The following INPP4B variants were observed in gnomAD, a reference collection of about 807,000 sequenced individuals.
INPP4B encodes the protein inositol polyphosphate 4-phosphatase type II.
In INPP4B, 55 loss-of-function variants were observed where a neutral mutation model predicts 122.5. The observed-to-expected ratio is 0.45, with a 90% CI of 0.36 to 0.56. INPP4B has a LOEUF of 0.56. Among genes scored for constraint, INPP4B ranks in the 20% least tolerant of loss-of-function variants. The probability of loss-of-function intolerance (pLI) is 0.00; values close to 1 mark genes in which losing one functional copy is unlikely to be tolerated. For missense variants in INPP4B, 1,000 were observed against 1,097.7 expected, an observed-to-expected ratio of 0.91 and a Z score of 1.26; for synonymous variants, 403 against 388.7, an observed-to-expected ratio of 1.04 and a Z score of -0.43.
rs529844695 is a variant in INPP4B at position 142,258,023 on chromosome 4, G to A, written c.688+2469C>T. 7.2e-5 allele frequency among the ~76,000 whole-genome samples: 11 copies of A among 152,140 alleles called. No individual in the cohort carries two copies. In the East Asian group the frequency reaches 1.9e-3, roughly 27 times the overall value. ...AACAGAGATATAGATCAATGGAACAGAACAGAGCCCTCAGAAATAACGCCG... is the reference window on the plus strand; with the variant it reads ...AACAGAGATATAGATCAATGGAACAAAACAGAGCCCTCAGAAATAACGCCG... On this transcript the variant is annotated intron_variant, in intron 11 of 25. Transcript: ENST00000262992.
intron 9 of INPP4B, among the ~76,000 whole-genome samples, chr4:142,300,870 A>G (rs1761123498): frequency 6.6e-6 from 1 of 152,196 alleles, no homozygotes; most frequent in Admixed American, 6.6e-5. Flanking sequence ...CCTTCGTATG[A>G]ATAAATACTT....
intron 3 of INPP4B, among the ~76,000 whole-genome samples, chr4:142,456,765 C>T (rs978151768): frequency 6.6e-6 from 1 of 151,920 alleles, no homozygotes; most frequent in African/African-American, 2.4e-5. Flanking sequence ...TCAACTTTGT[C>T]CAAACTGATC....
intron 2 of INPP4B, among the ~76,000 whole-genome samples, chr4:142,688,305 C>T (rs1759663146): frequency 6.6e-6 from 1 of 152,142 alleles, no homozygotes; most frequent in South Asian, 2.1e-4. Context: ...GGAGAGCAAA[C>T]TTTCAACAGA....
At chr4:142,457,110 A>G (rs976037667) in intron 3 of INPP4B, among the ~76,000 whole-genome samples, 1 of 152,040 alleles carries the variant, frequency 6.6e-6, no homozygotes, top group Non-Finnish European at 1.5e-5. Context: ...AGAACAAAAA[A>G]ACACATTTCA....
intron 1 of INPP4B, among the ~76,000 whole-genome samples, chr4:142,829,052 G>T (rs771257057): frequency 5.4e-4 from 81 of 149,092 alleles, no homozygotes; most frequent in Non-Finnish European, 9.5e-4. Flanking sequence ...TGAGACTTAA[G>T]ATATCAGAAC....
intron 2 of INPP4B, among the ~76,000 whole-genome samples, chr4:142,693,483 TAAAAAAAAAAAAAAAAA>T (rs554003993): frequency 1.3e-4 from 7 of 52,440 alleles, no homozygotes; most frequent in African/African-American, 5.4e-4. Flanking sequence ...TGCCTTTTTC[TAAAAAAAAAAAAAAAAA>T]AAAAAAAAAA....
At chr4:142,091,767 AT>A (rs1478841704) in intron 23 of INPP4B, among the ~76,000 whole-genome samples, 3 of 152,226 alleles carry the variant, frequency 2.0e-5, no homozygotes, top group African/African-American at 7.2e-5. Context: ...CAGGCAGGGT[AT>A]TAATAAGTAA....
intron 2 of INPP4B, among the ~76,000 whole-genome samples, chr4:142,725,383 T>C (rs1440421443): frequency 6.6e-6 from 1 of 152,098 alleles, no homozygotes; most frequent in East Asian, 1.9e-4. Context: ...TTTCTAGAAA[T>C]TCATATTGAA....
At chr4:142,399,354 G>A (rs577763947) in intron 7 of INPP4B, among the ~76,000 whole-genome samples, 20 of 151,950 alleles carry the variant, frequency 1.3e-4, no homozygotes, top group South Asian at 1.2e-3. Context: ...GTGCCACCAC[G>A]CCCAGCTAAT....
At chr4:142,659,673 C>T (rs896080689) in intron 2 of INPP4B, among the ~76,000 whole-genome samples, 3 of 152,020 alleles carry the variant, frequency 2.0e-5, no homozygotes, top group African/African-American at 4.8e-5. Flanking sequence ...ATAGGATGCC[C>T]ATCACTCGGA....
chr4:142,772,610 A>G (rs1357082976), intron 1 of INPP4B, among the ~76,000 whole-genome samples: 2 of 152,206 alleles, frequency 1.3e-5, no homozygotes, highest in Admixed American at 1.3e-4. Context: ...ATAAACGAAT[A>G]AACACAACAC....
intron 7 of INPP4B, among the ~76,000 whole-genome samples, chr4:142,389,488 A>G (rs1476914707): frequency 6.6e-6 from 1 of 152,206 alleles, no homozygotes; most frequent in African/African-American, 2.4e-5. Flanking sequence ...TAAGTTTTTA[A>G]GATTGTTAGT....
Position 142,024,787 on chromosome 4 carries a change from A to G in INPP4B, c.*3995T>C, listed in dbSNP as rs1736530262. 1 of 152,176 alleles carries G rather than the reference A, an allele frequency of 6.6e-6. No homozygotes were observed. The highest frequency in any genetic ancestry group is 1.5e-5 in the Non-Finnish European group (1 of 68,030). 9.4% of individuals were successfully genotyped at this position (152,176 alleles called of 1,614,324 possible). A position where few individuals can be genotyped will look rare whatever the true frequency, so the allele number is the denominator to read the frequency against. On this transcript the variant is annotated 3_prime_UTR_variant, in exon 26 of 26. Coordinates refer to ENST00000262992, the MANE Select transcript of INPP4B (RefSeq NM_001101669.3). ...AAAATAGATGGTGAAGTACATTTTT[A>G]GTGATATCTGATTGGGCTAACAGTT... is the stretch of plus-strand genomic sequence containing the variant.
intron 25 of INPP4B, among the ~76,000 whole-genome samples, chr4:142,035,383 C>A (rs868218792): frequency 6.6e-6 from 1 of 152,070 alleles, no homozygotes; most frequent in African/African-American, 2.4e-5. Context: ...TGCTGTGAGC[C>A]GAGATATTTT....
intron 15 of INPP4B, among the ~76,000 whole-genome samples, chr4:142,177,081 A>G (rs1828671357): frequency 6.6e-6 from 1 of 151,764 alleles, no homozygotes; most frequent in African/African-American, 2.4e-5. Flanking sequence ...CATAATCCTA[A>G]CTCCTGCCTC....
chr4:142,756,649 T>G (rs1362040688), intron 1 of INPP4B, among the ~76,000 whole-genome samples: 2 of 152,096 alleles, frequency 1.3e-5, no homozygotes, highest in Non-Finnish European at 2.9e-5. Context: ...ATATGTCAAA[T>G]ATAGATGAGT....
intron 9 of INPP4B, among the ~76,000 whole-genome samples, chr4:142,279,338 G>A (rs2150746571): frequency 6.6e-6 from 1 of 151,538 alleles, no homozygotes; most frequent in East Asian, 1.9e-4. Context: ...AAACAGTATT[G>A]GAAAAAATAA....
intron 2 of INPP4B, among the ~76,000 whole-genome samples, chr4:142,701,516 A>G (rs1761763099): frequency 6.6e-6 from 1 of 152,152 alleles, no homozygotes; most frequent in Non-Finnish European, 1.5e-5. Flanking sequence ...CAAAAAAAAA[A>G]AAAAGGTTTC....
At chr4:142,266,250 C>T (rs528106111) in intron 10 of INPP4B, among the ~76,000 whole-genome samples, 2 of 152,146 alleles carry the variant, frequency 1.3e-5, no homozygotes, top group South Asian at 4.2e-4. Context: ...GACAGGGTTT[C>T]GAATGCACAA....
Sources: allele counts gnomAD v4.1 joint callset (sites outside exome capture counted in the v4.1 genomes callset), GRCh38; gene constraint gnomAD v4.1.1; transcripts MANE v1.5; gene names NCBI Gene and HGNC (gene_info 2026-07-23, HGNC 2026-07-21).